MAST4: variants seen among roughly 807,000 people sequenced by gnomAD.
MAST4 encodes microtubule associated serine/threonine kinase family member 4, also known as microtubule-associated serine/threonine-protein kinase 4.
Under a neutral mutation model 162.7 loss-of-function variants are expected in MAST4, and 89 were observed. The ratio of observed to expected loss-of-function variants is 0.55; its 90% CI spans 0.46 to 0.65. The LOEUF is 0.65. Among genes scored for constraint, MAST4 ranks in the 30% least tolerant of loss-of-function variants. MAST4 has a pLI of 0.00. For synonymous variants in MAST4, 1,479 were observed against 1,361.1 expected, an observed-to-expected ratio of 1.09 and a Z score of -1.91; for missense variants, 3,153 against 3,374.0, an observed-to-expected ratio of 0.93 and a Z score of 1.62.
At chr5:66,918,766 T>A (rs1314656958) in intron 4 of MAST4, among the ~76,000 whole-genome samples, 3 of 152,102 alleles carry the variant, frequency 2.0e-5, no homozygotes, top group East Asian at 1.9e-4. Flanking sequence ...GTAGAAAAAA[T>A]TATTAGTTTA....
chr5:66,655,231 T>C lies in MAST4; in HGVS notation c.363+58213T>C, dbSNP rs575602797. Reference sequence around the variant, plus strand: ...TGTTGATGCTTTCATGTTAGAAGATTGCTGCACATTAAAATAAAAAAAATT... The same window carrying C: ...TGTTGATGCTTTCATGTTAGAAGATCGCTGCACATTAAAATAAAAAAAATT... On this transcript the variant is annotated intron_variant, in intron 1 of 28. Coordinates refer to ENST00000403625, the MANE Select transcript of MAST4 (RefSeq NM_001164664.2). 3.5e-3 allele frequency among the ~76,000 whole-genome samples: 528 copies of C among 152,236 alleles called. 3 individuals carry two copies. Among genetic ancestry groups the C allele is most frequent in the African/African-American group, 0.012 (496 of 41,538 alleles).
At chr5:66,710,348 G>A (rs1454719455) in intron 1 of MAST4, among the ~76,000 whole-genome samples, 1 of 152,176 alleles carries the variant, frequency 6.6e-6, no homozygotes, top group Non-Finnish European at 1.5e-5. Flanking sequence ...AGACTATTTA[G>A]ACTTTTATTC....
chr5:66,895,653 T>G (rs1171000328), intron 3 of MAST4, among the ~76,000 whole-genome samples: 9 of 152,180 alleles, frequency 5.9e-5, no homozygotes, highest in Non-Finnish European at 8.8e-5. Flanking sequence ...CCTTACCATC[T>G]TCATTGCTGG....
intron 5 of MAST4, among the ~76,000 whole-genome samples, chr5:67,061,308 T>G (rs1483753233): frequency 6.6e-6 from 1 of 152,230 alleles, no homozygotes; most frequent in Non-Finnish European, 1.5e-5. Context: ...ATGTACATGT[T>G]TTATTTCTAT....
chr5:67,119,556 C>T (rs919501625), intron 13 of MAST4, among the ~76,000 whole-genome samples: 10 of 152,062 alleles, frequency 6.6e-5, no homozygotes, highest in Non-Finnish European at 1.3e-4. Flanking sequence ...CTCTGTGCCT[C>T]GGTTTCCCTG....
chr5:66,843,453 C>T (rs78152825), intron 3 of MAST4, among the ~76,000 whole-genome samples: 4,715 of 152,202 alleles, frequency 0.031, 224 homozygotes, highest in African/African-American at 0.11. Context: ...GGTCGCTTAA[C>T]AGAGAGGAGA....
In MAST4 at chr5:67,164,122, G is replaced by A; in HGVS notation, c.4943G>A (p.Gly1648Asp). 6.3e-7 allele frequency: 1 copy of A among 1,598,538 alleles called. No homozygotes were observed. The highest frequency in any genetic ancestry group is 8.5e-7 in the Non-Finnish European group (1 of 1,172,136). ...RAPAPGTLQD[G>D]LCHSLDRGIS... The stretch of plus-strand genomic sequence containing the variant: ...CCCGCTCCTGGCACCCTCCAGGATG[G>A]TCTCTGCCACTCCCTCGACAGGGGC... The change falls in exon 29 of 29, where the codon GGT (glycine) becomes GAT (aspartate). Residue 1648 changes from glycine to aspartate, a missense_variant. Coordinates refer to ENST00000403625, the MANE Select transcript of MAST4 (RefSeq NM_001164664.2). This position sits in a 1 kb window ranked among gnomAD's most constrained non-coding sequence, Gnocchi z 5.3.
chr5:66,628,083 G>T (rs1334125160), intron 1 of MAST4, among the ~76,000 whole-genome samples: 1 of 152,086 alleles, frequency 6.6e-6, no homozygotes, highest in Non-Finnish European at 1.5e-5. Context: ...CCAGACTATA[G>T]TGCAGTGGTG....
intron 4 of MAST4, among the ~76,000 whole-genome samples, chr5:66,957,896 C>T (rs1745517934): frequency 6.6e-6 from 1 of 152,200 alleles, no homozygotes; most frequent in Non-Finnish European, 1.5e-5. Flanking sequence ...CCTCCTTGCC[C>T]AGGGCACAAC....
intron 5 of MAST4, among the ~76,000 whole-genome samples, chr5:67,069,953 T>C (rs1286907133): frequency 6.7e-6 from 1 of 149,720 alleles, no homozygotes; most frequent in Non-Finnish European, 1.5e-5. Flanking sequence ...ACTTCAGTGT[T>C]TAGAGATGCA....
At chr5:67,037,651 G>A (rs1756189137) in intron 4 of MAST4, among the ~76,000 whole-genome samples, 1 of 152,106 alleles carries the variant, frequency 6.6e-6, no homozygotes, top group South Asian at 2.1e-4. Flanking sequence ...ATGAGCTAGA[G>A]ATTAATCTTT....
In MAST4 at chr5:67,166,013, C is replaced by T; in HGVS notation, c.6834C>T (p.Asp2278=). 6.2e-7 allele frequency: 1 copy of T among 1,613,680 alleles called. No homozygotes were observed. Among genetic ancestry groups the T allele is most frequent in the Non-Finnish European group, 8.5e-7 (1 of 1,179,874 alleles). ...GGCCCTCTGTCCCACTGCACACTGACAGGGCTCCTCTAGACGCCAAGCCAC... is the reference window on the plus strand; with the variant it reads ...GGCCCTCTGTCCCACTGCACACTGATAGGGCTCCTCTAGACGCCAAGCCAC... ...EGGPSVPLHT[D]RAPLDAKPQP... Residue 2278 remains aspartate (D), a synonymous_variant, in exon 29 of 29, where the codon GAC becomes GAT. Transcript: ENST00000403625.
At chr5:66,749,585 C>T (rs771450831) in intron 1 of MAST4, among the ~76,000 whole-genome samples, 12 of 152,218 alleles carry the variant, frequency 7.9e-5, no homozygotes, top group South Asian at 2.1e-4. Context: ...GCCTAGACAA[C>T]GAAGTGACTT....
chr5:66,994,913 T>C (rs1750461004), intron 4 of MAST4, among the ~76,000 whole-genome samples: 1 of 152,228 alleles, frequency 6.6e-6, no homozygotes. Flanking sequence ...GCTTTTTCAT[T>C]GTACAACATG....
In MAST4 at chr5:67,149,425, G is replaced by A. The variant is rs2044729923; in HGVS notation, c.3131G>A (p.Gly1044Glu). The A allele has an allele frequency of 1.9e-6, 3 of 1,613,432 alleles. No individual in the cohort carries two copies. The highest frequency in any genetic ancestry group is 2.5e-6 in the Non-Finnish European group (3 of 1,179,706). Reference sequence around the variant, plus strand: ...TCAGAGCACTTGGATCAGATAAATGGACGAAGCGAGTGTGTGGACAGTACA... The same window carrying A: ...TCAGAGCACTTGGATCAGATAAATGAACGAAGCGAGTGTGTGGACAGTACA... ...SFSEHLDQIN[G>E]RSECVDSTDN... The change falls in exon 24 of 29, where the codon GGA becomes GAA. Residue 1044 changes from glycine (G) to glutamate (E), a missense_variant. Coordinates refer to ENST00000403625, the MANE Select transcript of MAST4 (RefSeq NM_001164664.2).
rs75465099 is a variant in MAST4 at position 66,992,529 on chromosome 5, C to T, written c.675-61875C>T. On this transcript the variant is annotated intron_variant, in intron 4 of 28. Coordinates refer to ENST00000403625, the MANE Select transcript of MAST4 (RefSeq NM_001164664.2). ...TGCACTTTCATCTTAAAGTTTCAGT[C>T]CCCTTTAAACTGTAAAGCCAGCTAG... Among the ~76,000 whole-genome samples, 1,357 of 152,266 alleles carry T rather than the reference C, an allele frequency of 8.9e-3. 7 individuals carry two copies. The highest frequency in any genetic ancestry group is 0.014 in the Non-Finnish European group (951 of 68,018).
chr5:66,929,311 A>G (rs1741902520), intron 4 of MAST4, among the ~76,000 whole-genome samples: 1 of 152,130 alleles, frequency 6.6e-6, no homozygotes, highest in Non-Finnish European at 1.5e-5. Flanking sequence ...TAGGAAATGG[A>G]GAGGAGGAAA....
chr5:67,112,723 A>G (rs1395137459), intron 11 of MAST4, among the ~76,000 whole-genome samples: 2 of 152,192 alleles, frequency 1.3e-5, no homozygotes, highest in African/African-American at 4.8e-5. Context: ...ACGTTCAGCT[A>G]TCCAGAAGCT....
intron 1 of MAST4, among the ~76,000 whole-genome samples, chr5:66,705,426 G>A: frequency 6.6e-6 from 1 of 152,238 alleles, no homozygotes; most frequent in African/African-American, 2.4e-5. Context: ...AAAAACAAAA[G>A]ATATAAATGA....
Sources: allele counts gnomAD v4.1 joint callset (sites outside exome capture counted in the v4.1 genomes callset), GRCh38; gene constraint gnomAD v4.1.1; non-coding constraint Gnocchi (gnomAD v3.1); transcripts MANE v1.5; gene names NCBI Gene and HGNC (gene_info 2026-07-23, HGNC 2026-07-21).